ESRRG: variants seen among roughly 807,000 people sequenced by gnomAD.
The protein encoded by ESRRG is estrogen related receptor gamma.
Under a neutral mutation model 44.0 loss-of-function variants are expected in ESRRG, and 13 were observed. The ratio of observed to expected loss-of-function variants is 0.30; its 90% CI spans 0.19 to 0.47. The LOEUF (loss-of-function observed/expected upper bound fraction) is 0.47, where lower values mean the gene tolerates loss of function less well. Ranked by LOEUF, ESRRG falls within the 20% of genes least tolerant of loss-of-function variation. The probability of loss-of-function intolerance (pLI) is 1.00; values close to 1 mark genes in which losing one functional copy is unlikely to be tolerated. For missense variants in ESRRG, 395 were observed against 580.6 expected, an observed-to-expected ratio of 0.68 and a Z score of 3.29; for synonymous variants, 215 against 214.6, an observed-to-expected ratio of 1.00 and a Z score of -0.02.
upstream of ESRRG, chr1:216,723,460 C>T: frequency 1.5e-6 from 1 of 646,230 alleles, no homozygotes; most frequent in Non-Finnish European, 2.8e-6. Context: ...ACTTAAAGCC[C>T]CGATTGGAGC....
At chr1:216,687,025 C>CCG (rs2078108067) in intron 1 of ESRRG, among the ~76,000 whole-genome samples, 1 of 34,566 alleles carries the variant, frequency 2.9e-5, no homozygotes, top group Non-Finnish European at 5.4e-5. Flanking sequence ...ATGGCAGGGC[C>CCG]CGTGTGTGTG....
chr1:216,873,212 T>TTG (rs1304630891), intron 2 of ESRRG, among the ~76,000 whole-genome samples: 2 of 143,862 alleles, frequency 1.4e-5, no homozygotes, highest in Non-Finnish European at 3.0e-5. Flanking sequence ...CTTTTCAGTT[T>TTG]TTTTTTTTTT....
At chr1:216,894,462 T>G (rs2058179848) in intron 2 of ESRRG, among the ~76,000 whole-genome samples, 2 of 152,088 alleles carry the variant, frequency 1.3e-5, no homozygotes, top group African/African-American at 4.8e-5. Context: ...ATCATCTATA[T>G]TTACACAGCC....
intron 6 of ESRRG, among the ~76,000 whole-genome samples, chr1:216,509,778 A>C (rs17042664): frequency 0.01 from 1,566 of 152,326 alleles, 23 homozygotes; most frequent in African/African-American, 0.036. Flanking sequence ...ATCTGCTAAT[A>C]CTTTAAATGC....
intron 1 of ESRRG, among the ~76,000 whole-genome samples, chr1:216,945,117 C>A (rs145870646): frequency 3.3e-5 from 5 of 152,016 alleles, no homozygotes; most frequent in Non-Finnish European, 5.9e-5. Flanking sequence ...TAAATGAGAG[C>A]GATACCAAGG....
At chr1:216,795,193 T>C (rs750243226) in intron 2 of ESRRG, among the ~76,000 whole-genome samples, 3 of 152,132 alleles carry the variant, frequency 2.0e-5, no homozygotes, top group Non-Finnish European at 4.4e-5. Flanking sequence ...TTCTAAAGAC[T>C]AAACCTTAAA....
intron 1 of ESRRG, among the ~76,000 whole-genome samples, chr1:217,100,406 G>T (rs1490062644): frequency 6.6e-6 from 1 of 152,176 alleles, no homozygotes; most frequent in Non-Finnish European, 1.5e-5. Flanking sequence ...TCTGTTAGGT[G>T]CCCTTTGACA....
intron 2 of ESRRG, chr1:216,864,315 C>G (rs1446949534): frequency 1.5e-5 from 2 of 131,602 alleles, no homozygotes; most frequent in Admixed American, 1.6e-4. Flanking sequence ...GGCAGCTGGT[C>G]TCTAAATCAA....
At chr1:216,675,757 T>A (rs575889947) in intron 2 of ESRRG, among the ~76,000 whole-genome samples, 27 of 152,356 alleles carry the variant, frequency 1.8e-4, no homozygotes, top group South Asian at 4.1e-4. Context: ...TCCCAGATGA[T>A]GCTGGTACTG....
At chr1:216,918,450 A>C (rs913174172) in intron 2 of ESRRG, among the ~76,000 whole-genome samples, 4 of 152,176 alleles carry the variant, frequency 2.6e-5, no homozygotes, top group Non-Finnish European at 5.9e-5. Context: ...TTTAAGGCTG[A>C]AACAAATTGC....
rs377260365 is a variant in ESRRG, at chr1:216,709,343, G to GTGTATA, written c.56+13900_56+13901insTATACA. Among the ~76,000 whole-genome samples the GTGTATA allele has an allele frequency of 9.7e-3, 1,414 of 145,380 alleles. 25 individuals are homozygous for GTGTATA. Among genetic ancestry groups the GTGTATA allele is most frequent in the African/African-American group, 0.032 (1,253 of 38,918 alleles). ...TATATATGTGTATGTGTGTGTGTGTGTATATATATATATATATATTCAATT... is the reference window on the plus strand; with the variant it reads ...TATATATGTGTATGTGTGTGTGTGTGTGTATATATATATATATATATATATTCAATT... On this transcript the variant is annotated intron_variant, in intron 1 of 6. Transcript: ENST00000408911.
At chr1:216,868,079 C>CT (rs58738849) in intron 2 of ESRRG, among the ~76,000 whole-genome samples, 1,526 of 78,336 alleles carry the variant, frequency 0.019, 16 homozygotes, top group Middle Eastern at 0.083. Flanking sequence ...TATATTGATC[C>CT]TTTTTTTTTT....
chr1:216,970,486 G>T (rs552392170), intron 1 of ESRRG, among the ~76,000 whole-genome samples: 1 of 152,152 alleles, frequency 6.6e-6, no homozygotes, highest in African/African-American at 2.4e-5. Flanking sequence ...TTAAAAATTA[G>T]ATGCCAATGA....
intron 3 of ESRRG, among the ~76,000 whole-genome samples, chr1:216,624,828 C>T (rs1459194274): frequency 3.3e-5 from 5 of 152,146 alleles, no homozygotes; most frequent in Admixed American, 2.6e-4. Flanking sequence ...CAGTACTTAT[C>T]AGAGGGCTTA....
At chr1:216,603,057 C>T (rs935346824) in intron 3 of ESRRG, among the ~76,000 whole-genome samples, 1 of 151,870 alleles carries the variant, frequency 6.6e-6, no homozygotes, top group Non-Finnish European at 1.5e-5. Context: ...ACTTGAATTA[C>T]TGAATTTAGT....
intron 1 of ESRRG, among the ~76,000 whole-genome samples, chr1:217,137,136 C>G (rs954064040): frequency 6.6e-6 from 1 of 152,140 alleles, no homozygotes; most frequent in Non-Finnish European, 1.5e-5. Context: ...ATGCCAGCAG[C>G]CAGTACACTA....
intron 2 of ESRRG, among the ~76,000 whole-genome samples, chr1:216,929,947 C>A (rs1252311774): frequency 6.6e-6 from 1 of 152,092 alleles, no homozygotes; most frequent in Non-Finnish European, 1.5e-5. Flanking sequence ...CTCAGGAAAC[C>A]CCCTAACACC....
chr1:216,507,296 G>C, intron 6 of ESRRG, 113 bp from the exon 7 acceptor site: 4 of 685,048 alleles, frequency 5.8e-6, no homozygotes, highest in Non-Finnish European at 9.2e-6. Context: ...CTCTGAGCTT[G>C]AACCTATGAT....
At chr1:216,654,740 A>G (rs530087362) in intron 2 of ESRRG, among the ~76,000 whole-genome samples, 1 of 152,290 alleles carries the variant, frequency 6.6e-6, no homozygotes, top group Non-Finnish European at 1.5e-5. Flanking sequence ...AAAATACAAA[A>G]GCTTCTGAGG....
Sources: gnomAD v4.1 joint callset for allele counts (sites outside exome capture counted in the v4.1 genomes callset) on GRCh38, gnomAD v4.1.1 for gene constraint, MANE v1.5 for transcripts, NCBI Gene and HGNC (gene_info 2026-07-23, HGNC 2026-07-21) for gene names.